APBB2: variants seen among roughly 807,000 people sequenced by gnomAD.
APBB2 encodes the protein amyloid beta precursor protein binding family B member 2.
APBB2 carries 38 observed loss-of-function variants against 82.5 expected under a neutral mutation model. The observed-to-expected ratio is 0.46, with a 90% CI of 0.36 to 0.60. The LOEUF is 0.60. Ranked by LOEUF, APBB2 falls within the 20% of genes least tolerant of loss-of-function variation. APBB2 has a pLI of 0.00. For synonymous variants in APBB2, 341 were observed against 368.2 expected, an observed-to-expected ratio of 0.93 and a Z score of 0.85; for missense variants, 772 against 972.3, an observed-to-expected ratio of 0.79 and a Z score of 2.74.
At position 41,013,697 on chromosome 4, in the gene APBB2, C is replaced by A; in HGVS notation, c.721G>T (p.Ala241Ser). 6.2e-7 allele frequency: 1 copy of A among 1,614,144 alleles called. No individual in the cohort carries two copies. The highest frequency in any genetic ancestry group is 1.3e-5 in the African/African-American group (1 of 75,040). Residue 241 changes from alanine to serine, a missense_variant, in exon 6 of 18, where the codon GCC becomes TCC. Coordinates refer to ENST00000508593, the MANE Select transcript of APBB2 (RefSeq NM_004307.2). ...CGGTGCAGTGCACAGTCGGTTTTGG[C>A]CCCTGTTTTCGGATGATCCTTCTTG... The part of the protein sequence containing the change: ...ETKKDHPKTG[A>S]KTDCALHRIQ...
chr4:41,075,995 A>C (rs375785432), intron 3 of APBB2, among the ~76,000 whole-genome samples: 79 of 152,264 alleles, frequency 5.2e-4, no homozygotes, highest in African/African-American at 1.7e-3. Context: ...ATAGATTACA[A>C]CCCGGTGCTT....
chr4:40,880,044 A>AC, intron 12 of APBB2: 2 of 985,418 alleles, frequency 2.0e-6, no homozygotes, highest in Non-Finnish European at 2.4e-6. Flanking sequence ...AAAGAGTGTC[A>AC]CTGGGAGCGA....
At chr4:41,034,615 A>G (rs1718422920) in intron 4 of APBB2, among the ~76,000 whole-genome samples, 1 of 152,226 alleles carries the variant, frequency 6.6e-6, no homozygotes, top group Non-Finnish European at 1.5e-5. Context: ...GTGAGTCACG[A>G]CACCTGGCCA....
chr4:41,145,755 T>C (rs1169986986), intron 1 of APBB2, among the ~76,000 whole-genome samples: 1 of 152,160 alleles, frequency 6.6e-6, no homozygotes, highest in Non-Finnish European at 1.5e-5. Context: ...AAGATAAAAC[T>C]ACACTTGCAC....
At chr4:41,122,323 A>G (rs1753085769) in intron 2 of APBB2, among the ~76,000 whole-genome samples, 2 of 152,154 alleles carry the variant, frequency 1.3e-5, no homozygotes, top group South Asian at 2.1e-4. Context: ...GTTTTCCTCC[A>G]CAATAGAAGC....
intron 3 of APBB2, among the ~76,000 whole-genome samples, chr4:41,088,007 G>A (rs1740405817): frequency 6.6e-6 from 1 of 152,178 alleles, no homozygotes; most frequent in African/African-American, 2.4e-5. Flanking sequence ...TTCAGATACA[G>A]ACAAGCTGAA....
chr4:40,816,386 T>C (rs570223285), intron 17 of APBB2, 127 bp from the exon 18 acceptor site: 1 of 969,648 alleles, frequency 1.0e-6, no homozygotes, highest in African/African-American at 1.6e-5. Context: ...TAAACATAAA[T>C]CCAAGAGTTA....
chr4:41,164,320 G>C (rs987115354), intron 1 of APBB2, among the ~76,000 whole-genome samples: 1 of 152,202 alleles, frequency 6.6e-6, no homozygotes, highest in Non-Finnish European at 1.5e-5. Context: ...TTTCACATGA[G>C]GGGTACTCAC....
chr4:41,034,966 C>A (rs1718576594), intron 4 of APBB2, among the ~76,000 whole-genome samples: 1 of 151,858 alleles, frequency 6.6e-6, no homozygotes, highest in Non-Finnish European at 1.5e-5. Context: ...ATATGAATTA[C>A]AAAAACAGGA....
chr4:41,078,710 G>GATA (rs1439900028), intron 3 of APBB2, among the ~76,000 whole-genome samples: 1 of 152,166 alleles, frequency 6.6e-6, no homozygotes, highest in Non-Finnish European at 1.5e-5. Context: ...GCTTCATATG[G>GATA]ATAAACACCT....
At chr4:40,912,750 G>A (rs753495773) in intron 10 of APBB2, among the ~76,000 whole-genome samples, 27 of 152,156 alleles carry the variant, frequency 1.8e-4, no homozygotes, top group Non-Finnish European at 3.1e-4. Context: ...GTGTGTGGCA[G>A]TAAACATGAG....
intron 2 of APBB2, among the ~76,000 whole-genome samples, chr4:41,119,379 A>G (rs1752108634): frequency 6.6e-6 from 1 of 151,960 alleles, no homozygotes; most frequent in Non-Finnish European, 1.5e-5. Context: ...TCCTCCTTTT[A>G]TACAACACTA....
intron 5 of APBB2, among the ~76,000 whole-genome samples, chr4:41,031,140 G>A (rs566742722): frequency 1.3e-5 from 2 of 152,210 alleles, no homozygotes; most frequent in Admixed American, 6.5e-5. Context: ...CAGGAGAATC[G>A]CTTGAACCTG....
intron 2 of APBB2, among the ~76,000 whole-genome samples, chr4:41,130,629 C>T (rs1261898007): frequency 6.6e-6 from 1 of 152,058 alleles, no homozygotes; most frequent in Non-Finnish European, 1.5e-5. Flanking sequence ...TTTCTAACTA[C>T]ATCTCATATT....
At chr4:40,888,045 G>GTCT (rs1447853066) in intron 12 of APBB2, among the ~76,000 whole-genome samples, 2 of 152,158 alleles carry the variant, frequency 1.3e-5, no homozygotes, top group Non-Finnish European at 2.9e-5. Context: ...TCTCCCTGCG[G>GTCT]TCTGACTCCT....
intron 12 of APBB2, among the ~76,000 whole-genome samples, chr4:40,853,844 C>T (rs983346155): frequency 6.6e-6 from 1 of 152,220 alleles, no homozygotes; most frequent in Admixed American, 6.5e-5. Flanking sequence ...CTAGGACAGG[C>T]TGCCTCCTGA....
rs543317976 is a variant in APBB2 at position 40,904,457 on chromosome 4, A to T, written c.1255-11046T>A. Among the ~76,000 whole-genome samples the T allele has an allele frequency of 4.0e-5, 6 of 151,312 alleles. No individual in the cohort carries two copies. The South Asian group carries it at 1.3e-3, about 32-fold the overall frequency. On this transcript the variant is annotated intron_variant, in intron 10 of 17. Transcript: ENST00000508593. ...TAAATAAATAAATAAATAAATAAAT[A>T]AATAAATAAATAATAAGGCAGCCAG...
At chr4:40,907,732 T>C (rs1365736876) in intron 10 of APBB2, among the ~76,000 whole-genome samples, 1 of 137,580 alleles carries the variant, frequency 7.3e-6, no homozygotes, top group Non-Finnish European at 1.5e-5. Flanking sequence ...TAGGGTGAAA[T>C]GGCGCGATCT....
At chr4:41,210,804 T>C (rs532237563) in intron 1 of APBB2, among the ~76,000 whole-genome samples, 1 of 152,336 alleles carries the variant, frequency 6.6e-6, no homozygotes, top group Non-Finnish European at 1.5e-5. Context: ...ATTAAAGATA[T>C]TTTCATATAA....
Sources: allele counts gnomAD v4.1 joint callset (sites outside exome capture counted in the v4.1 genomes callset), GRCh38; gene constraint gnomAD v4.1.1; transcripts MANE v1.5; gene names NCBI Gene and HGNC (gene_info 2026-07-23, HGNC 2026-07-21).